Variants in TUBA1A observed in about 807,000 individuals in gnomAD.
TUBA1A encodes the protein tubulin alpha 1a, also known as tubulin alpha-1A chain.
Under a neutral mutation model 34.6 loss-of-function variants are expected in TUBA1A, and 7 were observed. The ratio of observed to expected loss-of-function variants is 0.20; its 90% CI spans 0.11 to 0.38. The LOEUF (loss-of-function observed/expected upper bound fraction) is 0.38, where lower values mean the gene tolerates loss of function less well. Ranked by LOEUF, TUBA1A falls within the 10% of genes least tolerant of loss-of-function variation. TUBA1A has a pLI of 1.00. For synonymous variants in TUBA1A, 193 were observed against 210.2 expected (o/e 0.92, Z 0.71); for missense variants, 19 against 581.3 (o/e 0.03, Z 9.95).
At position 49,188,035 on chromosome 12, in the gene TUBA1A, C is replaced by A; in HGVS notation, c.3+942G>T. 2.1e-6 allele frequency: 2 copies of A among 959,440 alleles called. No homozygotes were observed. The highest frequency in any genetic ancestry group is 2.5e-6 in the Non-Finnish European group (2 of 808,780). 59.4% of individuals were successfully genotyped at this position (959,440 alleles called of 1,614,324 possible). A position where few individuals can be genotyped will look rare whatever the true frequency, so the allele number is the denominator to read the frequency against. ...AGACAGACAGACAGACACACACACA[C>A]ACACACACACACTTCAGTCGGTCAG... On this transcript the variant is annotated intron_variant, in intron 1 of 3. Coordinates refer to ENST00000301071, the MANE Select transcript of TUBA1A (RefSeq NM_006009.4). This position sits in a 1 kb window ranked among gnomAD's most constrained non-coding sequence, Gnocchi z 4.9.
chr12:49,188,397 G>T lies in TUBA1A; in HGVS notation c.3+580C>A. 2 of 1,535,434 alleles carry T rather than the reference G, an allele frequency of 1.3e-6. No homozygotes were observed. Among genetic ancestry groups the T allele is most frequent in the South Asian group, 1.2e-5 (1 of 84,004 alleles). ...GCGCCGCCCTGACACCCGCTGCCGG[G>T]GGCTCCGGCAGAAACTCACCATGTT... On this transcript the variant is annotated intron_variant, in intron 1 of 3. Transcript: ENST00000301071. This position sits in a 1 kb window ranked among gnomAD's most constrained non-coding sequence, Gnocchi z 4.9.
rs763724020 is a variant in TUBA1A at position 49,188,950 on chromosome 12, C to T, written c.3+27G>A. 6 of 1,614,222 alleles carry T rather than the reference C, an allele frequency of 3.7e-6. No individual in the cohort carries two copies. The highest frequency in any genetic ancestry group is 4.2e-6 in the Non-Finnish European group (5 of 1,180,054). On this transcript the variant is annotated intron_variant, in intron 1 of 3. Coordinates refer to ENST00000301071, the MANE Select transcript of TUBA1A (RefSeq NM_006009.4). This position sits in a 1 kb window ranked among gnomAD's most constrained non-coding sequence, Gnocchi z 4.9. The stretch of plus-strand genomic sequence containing the variant: ...TGGGGGCGCTGACTCCACCCAACGG[C>T]CACAAAGAGCCGAAGCCGATTCTCA...
Position 49,188,908 on chromosome 12 carries a change from G to C in TUBA1A, c.3+69C>G. 6.2e-7 allele frequency: 1 copy of C among 1,614,016 alleles called. No individual in the cohort carries two copies. Among genetic ancestry groups the C allele is most frequent in the South Asian group, 1.1e-5 (1 of 91,086 alleles). ...GCTTACGAAAGAAAAGAGCTTAAAG[G>C]TTTTCCAAGTAGAGCCTGGGGGCGC... On this transcript the variant is annotated intron_variant, in intron 1 of 3. Transcript: ENST00000301071. The surrounding 1 kb of genome is among the most constrained non-coding windows in gnomAD (Gnocchi z 4.9).
At chr12:49,187,486 C>A in intron 1 of TUBA1A, 1 of 986,362 alleles carries the variant, frequency 1.0e-6, no homozygotes, top group Non-Finnish European at 1.2e-6. Flanking sequence ...CCTCCTCTGA[C>A]CCCGCCCGGG....
rs539551108 is a variant in TUBA1A at position 49,188,983 on chromosome 12, T to G, written c.-4A>C. On this transcript the variant is annotated 5_prime_UTR_variant, in exon 1 of 4. Transcript: ENST00000301071. This position sits in a 1 kb window ranked among gnomAD's most constrained non-coding sequence, Gnocchi z 4.9. The stretch of plus-strand genomic sequence containing the variant: ...AGCCGAAGCCGATTCTCACCATGGT[T>G]GCTGCTTCGCGACTGCCGAGCTGAT... 60 of 1,614,196 alleles carry G rather than the reference T, an allele frequency of 3.7e-5. No homozygotes were observed. The Admixed American group carries it at 5.7e-4, about 15-fold the overall frequency.
Position 49,188,142 on chromosome 12 carries a change from G to T in TUBA1A, c.3+835C>A. ...AGTCGGTCAGGGCAGGGCGTCCCCA[G>T]ACCAGACATTAAAGAGCTTGTGAAG... On this transcript the variant is annotated intron_variant, in intron 1 of 3. Coordinates refer to ENST00000301071, the MANE Select transcript of TUBA1A (RefSeq NM_006009.4). This position sits in a 1 kb window ranked among gnomAD's most constrained non-coding sequence, Gnocchi z 4.9. 1.0e-6 allele frequency: 1 copy of T among 981,832 alleles called. No homozygotes were observed. The highest frequency in any genetic ancestry group is 1.2e-6 in the Non-Finnish European group (1 of 829,568). The allele number at this position is 981,832 out of a possible 1,614,324, so 60.8% of individuals were successfully genotyped here.
chr12:49,185,178 G>A lies in TUBA1A; in HGVS notation c.1188C>T (p.Asp396=). The change falls in exon 4 of 4, where the codon GAC becomes GAT. Residue 396 remains aspartate (D), a synonymous_variant. Transcript: ENST00000301071. The stretch of plus-strand genomic sequence containing the variant: ...CAAAGGCACGTTTGGCATACATCAG[G>A]TCAAACTTGTGGTCCAGGCGAGCCC... ...EAWARLDHKF[D]LMYAKRAFVH... 6.2e-7 allele frequency: 1 copy of A among 1,614,170 alleles called. No homozygotes were observed. The highest frequency in any genetic ancestry group is 1.3e-5 in the African/African-American group (1 of 75,038).
chr12:49,187,771 C>T (rs1942198627), intron 1 of TUBA1A: 1 of 983,822 alleles, frequency 1.0e-6, no homozygotes, highest in African/African-American at 1.8e-5. Flanking sequence ...TTATTTAAAA[C>T]AACAAAATAG....
At position 49,188,920 on chromosome 12, in the gene TUBA1A, G is replaced by C; in HGVS notation, c.3+57C>G. On this transcript the variant is annotated intron_variant, in intron 1 of 3. Coordinates refer to ENST00000301071, the MANE Select transcript of TUBA1A (RefSeq NM_006009.4). This position sits in a 1 kb window ranked among gnomAD's most constrained non-coding sequence, Gnocchi z 4.9. ...AAAGAGCTTAAAGGTTTTCCAAGTA[G>C]AGCCTGGGGGCGCTGACTCCACCCA... 2 of 1,614,134 alleles carry C rather than the reference G, an allele frequency of 1.2e-6. No individual in the cohort carries two copies. The highest frequency in any genetic ancestry group is 1.6e-4 in the Middle Eastern group (1 of 6,062).
chr12:49,188,322 G>A lies in TUBA1A; in HGVS notation c.3+655C>T, dbSNP rs1942208157. The A allele has an allele frequency of 2.0e-6, 3 of 1,513,154 alleles. No homozygotes were observed. The highest frequency in any genetic ancestry group is 1.4e-5 in the African/African-American group (1 of 72,244). The allele number at this position is 1,513,154 out of a possible 1,614,324, so 93.7% of individuals were successfully genotyped here. On this transcript the variant is annotated intron_variant, in intron 1 of 3. Transcript: ENST00000301071. The surrounding 1 kb of genome is among the most constrained non-coding windows in gnomAD (Gnocchi z 4.9). ...AAGAGGTTCAGTGAGGGCGAACCCC[G>A]CCCAGTGGCTCCAACGCCATAGAAG...
chr12:49,189,005 T>C lies in TUBA1A; in HGVS notation c.-26A>G. ...GGTTGCTGCTTCGCGACTGCCGAGC[T>C]GATGGCGGAGACGAAGAGGAGAGGT... On this transcript the variant is annotated 5_prime_UTR_variant, in exon 1 of 4. Transcript: ENST00000301071. The C allele has an allele frequency of 6.2e-7, 1 of 1,614,190 alleles. No individual in the cohort carries two copies. Among genetic ancestry groups the C allele is most frequent in the Non-Finnish European group, 8.5e-7 (1 of 1,180,012 alleles).
intron 1 of TUBA1A, chr12:49,187,077 C>T (rs984237103): frequency 8.6e-6 from 12 of 1,393,164 alleles, no homozygotes; most frequent in East Asian, 5.3e-5. Flanking sequence ...ATTGTGCCTA[C>T]TACCATGCTT....
In TUBA1A at chr12:49,185,970, G is replaced by A. The variant is rs1143560; in HGVS notation, c.396C>T (p.Leu132=). The A allele has an allele frequency of 1.5e-3, 2,480 of 1,614,152 alleles. 2 individuals carry two copies. Among genetic ancestry groups the A allele is most frequent in the Middle Eastern group, 2.0e-3 (12 of 6,062 alleles). ...IRKLADQCTG[L]QGFLVFHSFG... ...AGCTGTGGAAAACCAAGAAGCCCTG[G>A]AGACCCGTGCACTGGTCGGCCTATA... is the stretch of plus-strand genomic sequence containing the variant. Residue 132 remains leucine (L), a synonymous_variant, in exon 4 of 4, where the codon CTC becomes CTT. Coordinates refer to ENST00000301071, the MANE Select transcript of TUBA1A (RefSeq NM_006009.4).
In TUBA1A at chr12:49,188,815, G is replaced by C; in HGVS notation, c.3+162C>G. 1 of 1,598,152 alleles carries C rather than the reference G, an allele frequency of 6.3e-7. No individual in the cohort carries two copies. The highest frequency in any genetic ancestry group is 1.3e-5 in the African/African-American group (1 of 74,842). On this transcript the variant is annotated intron_variant, in intron 1 of 3. Transcript: ENST00000301071. This position sits in a 1 kb window ranked among gnomAD's most constrained non-coding sequence, Gnocchi z 4.9. ...CGGTTCCTGCACCCGCACTGCGGCG[G>C]CGGCGGGGCTTGAGGATTTGGGGCT...
chr12:49,187,391 G>A (rs1942193955), intron 1 of TUBA1A: 1 of 1,001,482 alleles, frequency 1.0e-6, no homozygotes, highest in South Asian at 4.2e-5. Flanking sequence ...GTGCTAGCCT[G>A]TACTGTCTGC....
Position 49,186,010 on chromosome 12 carries a change from C to T in TUBA1A, c.376-20G>A. Reference sequence around the variant, plus strand: ...GTCGGCCTATAACAAAAGAGAGGAACAGAGGAAAGGTTAAGTTTTTATTCT... The same window carrying T: ...GTCGGCCTATAACAAAAGAGAGGAATAGAGGAAAGGTTAAGTTTTTATTCT... On this transcript the variant is annotated intron_variant, in intron 3 of 3. Coordinates refer to ENST00000301071, the MANE Select transcript of TUBA1A (RefSeq NM_006009.4). The surrounding 1 kb of genome is among the most constrained non-coding windows in gnomAD (Gnocchi z 6.6). 1 of 1,614,084 alleles carries T rather than the reference C, an allele frequency of 6.2e-7. No individual in the cohort carries two copies. Among genetic ancestry groups the T allele is most frequent in the Non-Finnish European group, 8.5e-7 (1 of 1,180,012 alleles).
At chr12:49,187,902 G>T in intron 1 of TUBA1A, 1 of 983,864 alleles carries the variant, frequency 1.0e-6, no homozygotes, top group Non-Finnish European at 1.2e-6. Flanking sequence ...CTGATGTGGT[G>T]GGGGCGGGGC....
chr12:49,185,301 G>A lies in TUBA1A; in HGVS notation c.1065C>T (p.Ile355=), dbSNP rs746054164. 1.2e-5 allele frequency: 20 copies of A among 1,614,184 alleles called. No homozygotes were observed. Among genetic ancestry groups the A allele is most frequent in the East Asian group, 2.2e-5 (1 of 44,886 alleles). ...GCACCACAGTGGGAGGCTGGTAGTTGATGCCAACCTTGAAGCCAGTGGGGC... is the reference window on the plus strand; with the variant it reads ...GCACCACAGTGGGAGGCTGGTAGTTAATGCCAACCTTGAAGCCAGTGGGGC... ...DWCPTGFKVG[I]NYQPPTVVPG... The change falls in exon 4 of 4, where the codon ATC becomes ATT. Residue 355 remains isoleucine, a synonymous_variant. Coordinates refer to ENST00000301071, the MANE Select transcript of TUBA1A (RefSeq NM_006009.4).
In TUBA1A at chr12:49,185,094, G is replaced by A. The variant is rs1942162616; in HGVS notation, c.1272C>T (p.Asp424=). 9 of 1,614,066 alleles carry A rather than the reference G, an allele frequency of 5.6e-6. No homozygotes were observed. In the East Asian group the frequency reaches 1.3e-4, roughly 24 times the overall value. ...CATAATCCTTCTCAAGGGCAGCCAT[G>A]TCCTCACGGGCCTCTGAAAACTCAC... ...EEGEFSEARE[D]MAALEKDYEE... Residue 424 remains aspartate, a synonymous_variant, in exon 4 of 4, where the codon GAC becomes GAT. Transcript: ENST00000301071.
Sources: gnomAD v4.1 joint callset for allele counts on GRCh38, gnomAD v4.1.1 for gene constraint, Gnocchi (gnomAD v3.1) non-coding constraint, MANE v1.5 for transcripts, NCBI Gene and HGNC (gene_info 2026-07-23, HGNC 2026-07-21) for gene names.